The following XPC variants were observed in gnomAD, a reference collection of about 807,000 sequenced individuals.
XPC encodes the protein DNA repair protein complementing XP-C cells.
A neutral mutation model predicts 95.8 loss-of-function variants in XPC; 76 were observed. The observed-to-expected ratio is 0.79, with a 90% CI of 0.66 to 0.96. XPC has a LOEUF of 0.96. Among genes scored for constraint, XPC ranks in the 40% least tolerant of loss-of-function variants. XPC has a pLI of 0.00. For missense variants in XPC, 1,146 were observed against 1,179.8 expected (o/e 0.97, Z 0.42); for synonymous variants, 442 against 442.1 (o/e 1.00, Z 0.00).
rs770955020 is a variant in XPC at position 14,168,275 on chromosome 3, G to A, written c.518C>T (p.Ala173Val). Residue 173 changes from alanine to valine, a missense_variant, in exon 4 of 16, where the codon GCG becomes GTG. By Grantham distance (64) the Ala-to-Val change is moderately conservative. Transcript: ENST00000285021. ...VEIEIETPEQ[A>V]KTRERSEKIK... ...AGCTTACCTTCTTTCTCTTGTCTTC[G>A]CCTGCTCTGGCGTTTCAATCTCTAT... is the stretch of plus-strand genomic sequence containing the variant. 14 of 1,611,944 alleles carry A rather than the reference G, an allele frequency of 8.7e-6. No homozygotes were observed. The highest frequency in any genetic ancestry group is 2.2e-5 in the South Asian group (2 of 90,688).
chr3:14,162,726 C>T (rs1259078448), intron 7 of XPC, among the ~76,000 whole-genome samples: 7 of 152,072 alleles, frequency 4.6e-5, no homozygotes, highest in Non-Finnish European at 1.0e-4. Flanking sequence ...ATCTTAGATA[C>T]GACACCAAAA....
chr3:14,157,886 C>A (rs1055917553), intron 9 of XPC, 125 bp downstream of exon 9: 6 of 1,338,238 alleles, frequency 4.5e-6, no homozygotes, highest in East Asian at 2.3e-5. Context: ...ATGGCTGTGA[C>A]AATTAAATGA....
intron 4 of XPC, 59 bp downstream of exon 4, chr3:14,168,198 A>T (rs1455274991): frequency 6.5e-7 from 1 of 1,544,306 alleles, no homozygotes; most frequent in Non-Finnish European, 8.7e-7. Context: ...AGTCCTCCTA[A>T]GCAGCAGCTG....
chr3:14,152,274 C>A, intron 11 of XPC, 61 bp downstream of exon 11: 1 of 1,483,800 alleles, frequency 6.7e-7, no homozygotes, highest in South Asian at 1.2e-5. Context: ...GCCCCCAGCT[C>A]TCCCGCTCAG....
At chr3:14,175,308 G>C (rs1398454916) in intron 1 of XPC, among the ~76,000 whole-genome samples, 1 of 152,058 alleles carries the variant, frequency 6.6e-6, no homozygotes, top group African/African-American at 2.4e-5. Context: ...TTCCCATTTA[G>C]CTGCCTCTCC....
rs1161680970 is a variant in XPC, at chr3:14,158,080, C to A, written c.1803G>T (p.Glu601Asp). ...ATGGTCTCAAGGTCTCGGCCCACCA[C>A]TCAGCATCAACCCGGCACTTGCGGG... The part of the protein sequence containing the change: ...TVTRKCRVDA[E>D]WWAETLRPYQ... Residue 601 changes from glutamate to aspartate, a missense_variant, in exon 9 of 16, where the codon GAG becomes GAT. Transcript: ENST00000285021. The surrounding 1 kb of genome is among the most constrained non-coding windows in gnomAD (Gnocchi z 5.2). The A allele has an allele frequency of 6.2e-7, 1 of 1,613,992 alleles. No individual in the cohort carries two copies. The highest frequency in any genetic ancestry group is 1.7e-5 in the Admixed American group (1 of 60,030).
intron 1 of XPC, among the ~76,000 whole-genome samples, chr3:14,174,694 C>T (rs1180584532): frequency 6.6e-6 from 1 of 152,050 alleles, no homozygotes; most frequent in East Asian, 1.9e-4. Flanking sequence ...ATTGAGTCAT[C>T]CTTTAAGATA....
chr3:14,157,970 A>C lies in XPC; in HGVS notation c.1872+41T>G, dbSNP rs764145773. ...CTCAAAAACAGGAATAATTTTAATA[A>C]CCTGACTGTGTCTTGGAGCCCCTGG... On this transcript the variant is annotated intron_variant, in intron 9 of 15. Transcript: ENST00000285021. The C allele has an allele frequency of 1.6e-5, 25 of 1,551,038 alleles. No individual in the cohort carries two copies. The East Asian group carries it at 5.7e-4, about 35-fold the overall frequency.
At chr3:14,168,615 G>C (rs542780151) in intron 3 of XPC, among the ~76,000 whole-genome samples, 1 of 151,448 alleles carries the variant, frequency 6.6e-6, no homozygotes, top group Admixed American at 6.6e-5. Flanking sequence ...ACAGTCTTTA[G>C]ATAAAGAACC....
In XPC at chr3:14,147,800, G is replaced by A. The variant is rs1044581999; in HGVS notation, c.2514+108C>T. ...GGTGCCTGCCATGATGTCAGAGAGG[G>A]CTGGGAAGAGCCTGGGAGCACACGG... On this transcript the variant is annotated intron_variant, in intron 14 of 15. Transcript: ENST00000285021. The A allele has an allele frequency of 8.6e-5, 85 of 983,134 alleles. 1 individual carries two copies. Among genetic ancestry groups the A allele is most frequent in the Non-Finnish European group, 3.1e-5 (20 of 648,892 alleles). The allele number at this position is 983,134 out of a possible 1,614,324, so 60.9% of individuals were successfully genotyped here.
At chr3:14,172,822 A>G (rs970368639) in intron 2 of XPC, 45 bp downstream of exon 2, 11 of 1,581,284 alleles carry the variant, frequency 7.0e-6, no homozygotes, top group African/African-American at 1.4e-5. Flanking sequence ...CAATTCTCTG[A>G]TGAGAAAAAT....
chr3:14,173,179 C>T (rs1479877340), intron 1 of XPC, 117 bp from the exon 2 acceptor site: 1 of 997,008 alleles, frequency 1.0e-6, no homozygotes, highest in Non-Finnish European at 1.4e-6. Flanking sequence ...ATCTCCATCA[C>T]TGGTTCACCA....
At chr3:14,151,325 T>C (rs1264139441) in intron 11 of XPC, 1 of 152,258 alleles carries the variant, frequency 6.6e-6, no homozygotes, top group East Asian at 1.9e-4. Flanking sequence ...GGATATATTT[T>C]AATGTTAAAA....
chr3:14,169,896 A>C (rs1387062053), intron 3 of XPC, among the ~76,000 whole-genome samples: 2 of 152,254 alleles, frequency 1.3e-5, no homozygotes, highest in African/African-American at 4.8e-5. Context: ...GCCAGACAGA[A>C]GGAATCAGGG....
chr3:14,167,859 C>T (rs1696446690), intron 4 of XPC, among the ~76,000 whole-genome samples: 1 of 152,192 alleles, frequency 6.6e-6, no homozygotes, highest in Admixed American at 6.5e-5. Flanking sequence ...AGTCCTGCAG[C>T]ATGACATGGT....
intron 11 of XPC, among the ~76,000 whole-genome samples, chr3:14,151,026 AAGG>A (rs886192074): frequency 2.6e-5 from 4 of 152,058 alleles, no homozygotes; most frequent in Non-Finnish European, 4.4e-5. Flanking sequence ...TCAGGCTGGG[AAGG>A]AGGCTGTGGC....
At chr3:14,149,591 C>T (rs1250126596) in intron 11 of XPC, 1 of 152,286 alleles carries the variant, frequency 6.6e-6, no homozygotes, top group East Asian at 1.9e-4. Context: ...TCCTGAGTAG[C>T]TGGGACTACA....
chr3:14,173,083 T>A, intron 1 of XPC, 21 bp from the exon 2 acceptor site: 2 of 1,523,400 alleles, frequency 1.3e-6, no homozygotes, highest in East Asian at 2.3e-5. Flanking sequence ...ACACAGAACA[T>A]AAGGTGAGGG....
At chr3:14,149,322 T>G (rs955830045) in intron 11 of XPC, among the ~76,000 whole-genome samples, 1 of 152,034 alleles carries the variant, frequency 6.6e-6, no homozygotes, top group African/African-American at 2.4e-5. Context: ...TGACCTCAGG[T>G]GATGCACTCG....
Sources: allele counts gnomAD v4.1 joint callset (sites outside exome capture counted in the v4.1 genomes callset), GRCh38; gene constraint gnomAD v4.1.1; non-coding constraint Gnocchi (gnomAD v3.1); transcripts MANE v1.5; gene names NCBI Gene and HGNC (gene_info 2026-07-23, HGNC 2026-07-21).